ZNF717: variants seen among roughly 807,000 people sequenced by gnomAD.
ZNF717 encodes zinc finger protein 717.
Under a neutral mutation model 13.8 loss-of-function variants are expected in ZNF717, and 9 were observed. That is an observed-to-expected ratio of 0.65 (90% CI 0.39 to 1.14). The LOEUF (loss-of-function observed/expected upper bound fraction) is 1.14. ZNF717 is among the 50% of genes most tolerant of loss of function. The pLI is 0.01. For missense variants in ZNF717, 1,040 were observed against 1,080.7 expected, an observed-to-expected ratio of 0.96 and a Z score of 0.53; for synonymous variants, 327 against 364.1, an observed-to-expected ratio of 0.90 and a Z score of 1.16.
chr3:75,717,312 A>T (rs1377867691), intron 4 of ZNF717, among the ~76,000 whole-genome samples: 2 of 152,260 alleles, frequency 1.3e-5, no homozygotes, highest in Non-Finnish European at 2.9e-5. Context: ...CTTCCTAAAA[A>T]TGGATCAATA....
chr3:75,775,826 T>G (rs546314474), intron 2 of ZNF717, among the ~76,000 whole-genome samples: 11 of 142,396 alleles, frequency 7.7e-5, no homozygotes, highest in Admixed American at 5.8e-4. Context: ...CACTACAGCC[T>G]AGGTAACAGA....
At chr3:75,696,579 C>A (rs1416193389) in intron 6 of ZNF717, among the ~76,000 whole-genome samples, 1 of 152,426 alleles carries the variant, frequency 6.6e-6, no homozygotes, top group Non-Finnish European at 1.5e-5. Flanking sequence ...GCAAATCAAT[C>A]AATGTGATAC....
chr3:75,726,193 T>A (rs2106881225), downstream of ZNF717, among the ~76,000 whole-genome samples: 1 of 152,406 alleles, frequency 6.6e-6, no homozygotes, highest in East Asian at 1.9e-4. Flanking sequence ...GTTATGTGAT[T>A]CTTTCTTTCC....
At position 75,757,967 on chromosome 3, in the gene ZNF717, AT is replaced by A. The variant is rs200137486; in HGVS notation, c.58-16232del. Among the ~76,000 whole-genome samples the A allele has an allele frequency of 2.2e-3, 333 of 149,088 alleles. 1 individual carries two copies. The highest frequency in any genetic ancestry group is 7.1e-3 in the Middle Eastern group (2 of 282). Reference sequence around the variant, plus strand: ...GTCTCTACTAAAAAAAAAAAAAAAAATTTATCTGAGCCTGGTGGGGGATGCC... The same window carrying A: ...GTCTCTACTAAAAAAAAAAAAAAAAATTATCTGAGCCTGGTGGGGGATGCC... On this transcript the variant is annotated intron_variant, in intron 2 of 4. Coordinates refer to ENST00000652011, the MANE Select transcript of ZNF717 (RefSeq NM_001290208.3).
intron 2 of ZNF717, among the ~76,000 whole-genome samples, chr3:75,781,170 A>G (rs1944789571): frequency 6.6e-6 from 1 of 152,256 alleles, no homozygotes; most frequent in African/African-American, 2.4e-5. Flanking sequence ...GGTAGACAAG[A>G]ATGAAAACCT....
At chr3:75,757,587 G>A (rs1254431241) in intron 2 of ZNF717, among the ~76,000 whole-genome samples, 3 of 152,168 alleles carry the variant, frequency 2.0e-5, no homozygotes, top group African/African-American at 7.2e-5. Context: ...GCTGAATATT[G>A]TTTTCATGCC....
downstream of ZNF717, among the ~76,000 whole-genome samples, chr3:75,729,496 T>C (rs1404408512): frequency 6.6e-6 from 1 of 151,358 alleles, no homozygotes; most frequent in African/African-American, 2.4e-5. Flanking sequence ...ATGCCTGTAA[T>C]CCCAACTACT....
chr3:75,765,551 C>T (rs1015914063), intron 2 of ZNF717, among the ~76,000 whole-genome samples: 6 of 152,172 alleles, frequency 3.9e-5, no homozygotes, highest in Admixed American at 2.6e-4. Context: ...GTTGGGACTA[C>T]AGGTGCACAC....
intron 2 of ZNF717, among the ~76,000 whole-genome samples, chr3:75,774,189 C>CA (rs528249551): frequency 0.014 from 1,857 of 130,136 alleles, 21 homozygotes; most frequent in East Asian, 0.079. Context: ...AATAAACTAC[C>CA]AAAAAAAAAA....
At chr3:75,715,040 C>A (rs1938019218) in intron 5 of ZNF717, among the ~76,000 whole-genome samples, 1 of 152,126 alleles carries the variant, frequency 6.6e-6, no homozygotes, top group Non-Finnish European at 1.5e-5. Flanking sequence ...GACAGTTGAA[C>A]CCAAATTATA....
At chr3:75,715,735 A>G (rs1938034272) in intron 5 of ZNF717, among the ~76,000 whole-genome samples, 1 of 152,206 alleles carries the variant, frequency 6.6e-6, no homozygotes, top group African/African-American at 2.4e-5. Flanking sequence ...AATTCCATAA[A>G]CAGTGAATGG....
At chr3:75,744,642 TAG>T (rs1186976507) in intron 2 of ZNF717, among the ~76,000 whole-genome samples, 2 of 152,214 alleles carry the variant, frequency 1.3e-5, no homozygotes, top group East Asian at 3.8e-4. Flanking sequence ...TACAAAGAGA[TAG>T]AGTTATTGTC....
At chr3:75,723,028 T>C (rs1938198976) in intron 4 of ZNF717, among the ~76,000 whole-genome samples, 1 of 152,090 alleles carries the variant, frequency 6.6e-6, no homozygotes, top group African/African-American at 2.4e-5. Flanking sequence ...TGGGAAAATA[T>C]TGGTTCATCG....
At chr3:75,756,471 T>C (rs1025705700) in intron 2 of ZNF717, among the ~76,000 whole-genome samples, 7 of 152,250 alleles carry the variant, frequency 4.6e-5, no homozygotes, top group African/African-American at 1.7e-4. Flanking sequence ...GGCCAGTAGC[T>C]AGACCTCATG....
chr3:75,767,091 C>T (rs1460356369), intron 2 of ZNF717, among the ~76,000 whole-genome samples: 2 of 152,242 alleles, frequency 1.3e-5, no homozygotes, highest in Non-Finnish European at 2.9e-5. Context: ...ACTTCAGAAG[C>T]CAGGCTGAGA....
At chr3:75,701,457 T>A (rs201563947) in intron 6 of ZNF717, among the ~76,000 whole-genome samples, 2 of 152,308 alleles carry the variant, frequency 1.3e-5, no homozygotes, top group African/African-American at 4.8e-5. Context: ...GATCACTAGG[T>A]CAGGAGTTCA....
chr3:75,728,729 C>T (rs78062234), downstream of ZNF717, among the ~76,000 whole-genome samples: 1 of 152,252 alleles, frequency 6.6e-6, no homozygotes, highest in Non-Finnish European at 1.5e-5. Context: ...CTGAGGCCTC[C>T]CCAGCCATGC....
At chr3:75,779,823 A>G (rs1218487320) in intron 2 of ZNF717, among the ~76,000 whole-genome samples, 1 of 151,150 alleles carries the variant, frequency 6.6e-6, no homozygotes, top group East Asian at 2.0e-4. Context: ...GTGTCGTGCT[A>G]AACCAGAAAC....
At chr3:75,758,204 G>A (rs72896633) in intron 2 of ZNF717, among the ~76,000 whole-genome samples, 1 of 151,626 alleles carries the variant, frequency 6.6e-6, no homozygotes, top group Non-Finnish European at 1.5e-5. Context: ...CACGACTTCT[G>A]TGGAGGAAGT....
Sources: gnomAD v4.1 joint callset for allele counts (sites outside exome capture counted in the v4.1 genomes callset) on GRCh38, gnomAD v4.1.1 for gene constraint, MANE v1.5 for transcripts, NCBI Gene and HGNC (gene_info 2026-07-23, HGNC 2026-07-21) for gene names.